PBX1: variants seen among roughly 807,000 people sequenced by gnomAD.
PBX1 encodes the protein PBX homeobox 1.
A neutral mutation model predicts 53.4 loss-of-function variants in PBX1; 6 were observed. That is an observed-to-expected ratio of 0.11 (90% CI 0.06 to 0.22). PBX1 has a LOEUF of 0.22. PBX1 is among the 10% of genes least tolerant of loss of function. PBX1 has a pLI of 1.00. For synonymous variants in PBX1, 204 were observed against 212.3 expected, an observed-to-expected ratio of 0.96 and a Z score of 0.34; for missense variants, 251 against 551.4, an observed-to-expected ratio of 0.46 and a Z score of 5.46.
intron 2 of PBX1, among the ~76,000 whole-genome samples, chr1:164,775,132 T>A (rs1667581829): frequency 6.6e-6 from 1 of 152,046 alleles, no homozygotes; most frequent in Non-Finnish European, 1.5e-5. Flanking sequence ...AGAAGTGGAG[T>A]GTTGATTACA....
chr1:164,771,440 AG>A (rs1294374380), intron 2 of PBX1: 2 of 152,000 alleles, frequency 1.3e-5, no homozygotes, highest in African/African-American at 2.4e-5. Context: ...CCTTGTGCTG[AG>A]GGGGTTCCCT....
At chr1:164,665,287 T>A (rs1263572394) in intron 2 of PBX1, among the ~76,000 whole-genome samples, 4 of 152,204 alleles carry the variant, frequency 2.6e-5, no homozygotes, top group Non-Finnish European at 5.9e-5. Context: ...TATTTTATTT[T>A]ATTGATTTAC....
At chr1:164,838,091 C>G (rs1292385054) in intron 8 of PBX1, among the ~76,000 whole-genome samples, 1 of 152,194 alleles carries the variant, frequency 6.6e-6, no homozygotes, top group Non-Finnish European at 1.5e-5. Flanking sequence ...GGAGGGCACA[C>G]TATGATGGTG....
At chr1:164,623,615 C>T (rs900137278) in intron 2 of PBX1, among the ~76,000 whole-genome samples, 9 of 152,150 alleles carry the variant, frequency 5.9e-5, no homozygotes, top group African/African-American at 2.2e-4. Flanking sequence ...TTTCCTCGTG[C>T]CTTGCATCTC....
At chr1:164,597,956 G>C (rs1290704085) in intron 2 of PBX1, among the ~76,000 whole-genome samples, 2 of 152,084 alleles carry the variant, frequency 1.3e-5, no homozygotes, top group Non-Finnish European at 2.9e-5. Context: ...CCACAGACTG[G>C]GGAATTCACA....
intron 2 of PBX1, among the ~76,000 whole-genome samples, chr1:164,657,857 G>A (rs563165231): frequency 7.9e-5 from 12 of 152,320 alleles, no homozygotes; most frequent in African/African-American, 2.9e-4. Context: ...CAACCTGCAT[G>A]CTGTGCAAGA....
chr1:164,670,865 T>A (rs1247103125), intron 2 of PBX1, among the ~76,000 whole-genome samples: 1 of 152,204 alleles, frequency 6.6e-6, no homozygotes, highest in African/African-American at 2.4e-5. Context: ...TCTGCCTGTG[T>A]CCCTGCGCCC....
chr1:164,801,470 T>C (rs1172611335), intron 4 of PBX1, among the ~76,000 whole-genome samples: 1 of 149,528 alleles, frequency 6.7e-6, no homozygotes, highest in Non-Finnish European at 1.5e-5. Context: ...AAAAAAACAA[T>C]TGGCTCCAGA....
intron 2 of PBX1, among the ~76,000 whole-genome samples, chr1:164,656,943 G>T (rs1474924377): frequency 6.6e-6 from 1 of 152,110 alleles, no homozygotes; most frequent in Non-Finnish European, 1.5e-5. Flanking sequence ...TTGTATATAT[G>T]ATACCAAGCC....
intron 2 of PBX1, among the ~76,000 whole-genome samples, chr1:164,619,270 C>T (rs997105097): frequency 1.3e-5 from 2 of 152,110 alleles, no homozygotes; most frequent in African/African-American, 2.4e-5. Flanking sequence ...TTCCTCCCTG[C>T]GCCTAAACTC....
At chr1:164,766,540 G>A (rs1571362954) in intron 2 of PBX1, among the ~76,000 whole-genome samples, 2 of 152,204 alleles carry the variant, frequency 1.3e-5, no homozygotes, top group East Asian at 3.9e-4. Context: ...AGAAGCAGCA[G>A]GACACTTGCT....
At chr1:164,724,999 A>G (rs1208831612) in intron 2 of PBX1, among the ~76,000 whole-genome samples, 1 of 152,066 alleles carries the variant, frequency 6.6e-6, no homozygotes, top group Non-Finnish European at 1.5e-5. Flanking sequence ...CGGTTTTTGA[A>G]TGATGGATGC....
chr1:164,797,956 A>G lies in PBX1; in HGVS notation c.511-1743A>G, dbSNP rs73029045. Among the ~76,000 whole-genome samples, 1,022 of 152,310 alleles carry G rather than the reference A, an allele frequency of 6.7e-3. 18 individuals carry two copies. Among genetic ancestry groups the G allele is most frequent in the African/African-American group, 0.023 (968 of 41,560 alleles). On this transcript the variant is annotated intron_variant, in intron 3 of 8. Transcript: ENST00000420696. ...CTCACTCAGCCTCTCTGCTGTGTTCATGTGAGGGATTTGCTCAGTCTGCAG... is the reference window on the plus strand; with the variant it reads ...CTCACTCAGCCTCTCTGCTGTGTTCGTGTGAGGGATTTGCTCAGTCTGCAG...
At chr1:164,748,242 G>T (rs1318090768) in intron 2 of PBX1, among the ~76,000 whole-genome samples, 2 of 152,168 alleles carry the variant, frequency 1.3e-5, no homozygotes. Context: ...CAATACAAAA[G>T]GTGTGTGTGT....
intron 2 of PBX1, chr1:164,626,045 A>G: frequency 9.6e-7 from 1 of 1,039,486 alleles, no homozygotes. Context: ...GAACCCCGTT[A>G]CCCCCCAGCC....
chr1:164,865,950 G>T (rs1473519541), intron 2 of PBX1, among the ~76,000 whole-genome samples: 1 of 152,078 alleles, frequency 6.6e-6, no homozygotes, highest in Non-Finnish European at 1.5e-5. Flanking sequence ...AACTGTCAAT[G>T]CCATGACAAG....
downstream of PBX1, among the ~76,000 whole-genome samples, chr1:164,852,671 A>C (rs1671884177): frequency 6.6e-6 from 1 of 152,236 alleles, no homozygotes; most frequent in African/African-American, 2.4e-5. Flanking sequence ...AGTTGAGGTA[A>C]TAATCACTTA....
intron 2 of PBX1, among the ~76,000 whole-genome samples, chr1:164,698,901 A>AC (rs954341272): frequency 3.3e-5 from 5 of 152,192 alleles, no homozygotes; most frequent in Admixed American, 1.3e-4. Flanking sequence ...AGGACAGAGC[A>AC]CAGGGGGGTT....
chr1:164,606,539 G>A (rs1016560955), intron 2 of PBX1, among the ~76,000 whole-genome samples: 9 of 152,196 alleles, frequency 5.9e-5, no homozygotes, highest in African/African-American at 1.2e-4. Flanking sequence ...TAGCGCCGCT[G>A]CACTCCAGCC....
Sources: gnomAD v4.1 joint callset for allele counts (sites outside exome capture counted in the v4.1 genomes callset) on GRCh38, gnomAD v4.1.1 for gene constraint, MANE v1.5 for transcripts, NCBI Gene and HGNC (gene_info 2026-07-23, HGNC 2026-07-21) for gene names.